Variants in DNAJC7 observed in about 807,000 individuals in gnomAD.
DNAJC7 encodes the protein dnaJ homolog subfamily C member 7.
In DNAJC7, 18 loss-of-function variants were observed where a neutral mutation model predicts 67.4. The observed-to-expected ratio is 0.27, with a 90% CI of 0.18 to 0.40. The LOEUF is 0.40. DNAJC7 is among the 10% of genes least tolerant of loss of function. The probability of loss-of-function intolerance (pLI) is 1.00; values close to 1 mark genes in which losing one functional copy is unlikely to be tolerated. For missense variants in DNAJC7, 419 were observed against 613.8 expected (o/e 0.68, Z 3.35); for synonymous variants, 220 against 207.8 (o/e 1.06, Z -0.50).
At chr17:42,010,126 C>T (rs2052077354) in intron 1 of DNAJC7, among the ~76,000 whole-genome samples, 1 of 149,860 alleles carries the variant, frequency 6.7e-6, no homozygotes, top group African/African-American at 2.5e-5. Context: ...CCTGGAGACA[C>T]AGCAAGACTC....
At chr17:42,002,665 T>C (rs1421592648) in intron 1 of DNAJC7, among the ~76,000 whole-genome samples, 2 of 152,200 alleles carry the variant, frequency 1.3e-5, no homozygotes, top group African/African-American at 4.8e-5. Flanking sequence ...ATGTTACCCA[T>C]GTTTGTCAGA....
Position 41,988,456 on chromosome 17 carries a change from T to C in DNAJC7, c.918+276A>G, listed in dbSNP as rs896748150. ...AAAACAACAAAAAAGCAACAGTAGG[T>C]GCTTAAGATTATCCCACAGACCCTA... On this transcript the variant is annotated intron_variant, in intron 8 of 13. Transcript: ENST00000457167. 2.0e-5 allele frequency among the ~76,000 whole-genome samples: 3 copies of C among 152,298 alleles called. No homozygotes were observed. In the East Asian group the frequency reaches 5.8e-4, roughly 29 times the overall value.
chr17:41,976,806 G>C lies in DNAJC7; in HGVS notation c.1448-36C>G, dbSNP rs567890037. Reference sequence around the variant, plus strand: ...AAAGAGGGGTTGGTAGTTGGCTATGGATTTTCTAAGGAAGATCACTTTGCT... The same window carrying C: ...AAAGAGGGGTTGGTAGTTGGCTATGCATTTTCTAAGGAAGATCACTTTGCT... On this transcript the variant is annotated intron_variant, in intron 13 of 13. Coordinates refer to ENST00000457167, the MANE Select transcript of DNAJC7 (RefSeq NM_003315.4). 7.5e-6 allele frequency: 12 copies of C among 1,600,426 alleles called. No individual in the cohort carries two copies. In the African/African-American group the frequency reaches 9.5e-5, roughly 13 times the overall value.
rs553700775 is a variant in DNAJC7 at position 42,001,944 on chromosome 17, A to C, written c.78-1374T>G. Among the ~76,000 whole-genome samples, 13 of 152,310 alleles carry C rather than the reference A, an allele frequency of 8.5e-5. No homozygotes were observed. The South Asian group carries it at 2.1e-3, about 24-fold the overall frequency. Reference sequence around the variant, plus strand: ...TGCTGACAGCTGTGAAATGTGATGGATATAAATCTGCTTGAGTAACTGTCT... The same window carrying C: ...TGCTGACAGCTGTGAAATGTGATGGCTATAAATCTGCTTGAGTAACTGTCT... On this transcript the variant is annotated intron_variant, in intron 1 of 13. Coordinates refer to ENST00000457167, the MANE Select transcript of DNAJC7 (RefSeq NM_003315.4).
intron 12 of DNAJC7, among the ~76,000 whole-genome samples, chr17:41,980,864 A>G (rs2051230837): frequency 6.6e-6 from 1 of 152,248 alleles, no homozygotes; most frequent in Non-Finnish European, 1.5e-5. Flanking sequence ...TGGGTAAAAA[A>G]GAACTTCCAG....
intron 10 of DNAJC7, among the ~76,000 whole-genome samples, chr17:41,983,335 T>G (rs1282488983): frequency 3.3e-5 from 5 of 152,066 alleles, no homozygotes; most frequent in Non-Finnish European, 7.4e-5. Context: ...TGTTGGCCAG[T>G]CTGGTCTCCA....
chr17:41,989,699 C>T, intron 6 of DNAJC7, 142 bp from the exon 7 acceptor site: 1 of 1,044,540 alleles, frequency 9.6e-7, no homozygotes, highest in African/African-American at 1.6e-5. Context: ...AGAACTGTTC[C>T]CAAACTTTCC....
intron 5 of DNAJC7, among the ~76,000 whole-genome samples, chr17:41,991,754 ACTGCAGCCT>A (rs2051514914): frequency 6.6e-6 from 1 of 152,118 alleles, no homozygotes; most frequent in South Asian, 2.1e-4. Context: ...ATCATGGCTC[ACTGCAGCCT>A]CGACTTCCCA....
chr17:42,002,029 T>C (rs1204070203), intron 1 of DNAJC7, among the ~76,000 whole-genome samples: 1 of 152,116 alleles, frequency 6.6e-6, no homozygotes, highest in Non-Finnish European at 1.5e-5. Context: ...TCAAGAAAGA[T>C]CCCCCAATTG....
At chr17:42,006,567 G>A (rs1358052270) in intron 1 of DNAJC7, among the ~76,000 whole-genome samples, 1 of 151,134 alleles carries the variant, frequency 6.6e-6, no homozygotes, top group Non-Finnish European at 1.5e-5. Flanking sequence ...GGGAGGCCAA[G>A]GCAGGCAGAT....
chr17:41,981,229 C>A (rs1221363576), intron 12 of DNAJC7, among the ~76,000 whole-genome samples: 2 of 151,942 alleles, frequency 1.3e-5, no homozygotes, highest in Non-Finnish European at 2.9e-5. Flanking sequence ...CAAAGTCTTG[C>A]TCTGTCGCCC....
chr17:41,997,004 A>G, intron 3 of DNAJC7, 111 bp downstream of exon 3: 1 of 1,532,030 alleles, frequency 6.5e-7, no homozygotes, highest in Non-Finnish European at 8.9e-7. Context: ...CCCCACAACA[A>G]AGAATAATCT....
chr17:42,013,266 G>A (rs1555651323), intron 1 of DNAJC7: 1 of 152,218 alleles, frequency 6.6e-6, no homozygotes, highest in Non-Finnish European at 1.5e-5. Context: ...TGCTGTAAGG[G>A]AAACAGAACT....
At chr17:42,016,961 G>A (rs2052315158) in intron 1 of DNAJC7, 2 of 1,206,344 alleles carry the variant, frequency 1.7e-6, no homozygotes, top group Non-Finnish European at 2.1e-6. Flanking sequence ...AGGCAACAAT[G>A]CACAGAAGTT....
intron 7 of DNAJC7, 25 bp from the exon 8 acceptor site, chr17:41,988,921 T>C: frequency 1.2e-6 from 2 of 1,611,224 alleles, no homozygotes; most frequent in Non-Finnish European, 8.5e-7. Flanking sequence ...AAGGGGAGGA[T>C]CGGTTCATAT....
chr17:41,994,446 G>GT (rs1374689536), intron 5 of DNAJC7, among the ~76,000 whole-genome samples: 1 of 146,632 alleles, frequency 6.8e-6, no homozygotes, highest in African/African-American at 2.5e-5. Context: ...CAGGATAATC[G>GT]TTTGAACCCG....
chr17:41,986,398 A>T (rs559350033), intron 9 of DNAJC7, among the ~76,000 whole-genome samples: 1 of 152,198 alleles, frequency 6.6e-6, no homozygotes, highest in South Asian at 2.1e-4. Context: ...CCCAAAAAAT[A>T]AAACAAAGCG....
intron 1 of DNAJC7, chr17:42,001,034 T>G (rs1193891987): frequency 2.0e-5 from 3 of 152,380 alleles, no homozygotes; most frequent in Non-Finnish European, 2.9e-5. Context: ...TTTAATAATT[T>G]CACCTCCTGA....
chr17:41,989,580 C>T, intron 6 of DNAJC7, 23 bp from the exon 7 acceptor site: 1 of 1,612,032 alleles, frequency 6.2e-7, no homozygotes, highest in Middle Eastern at 1.6e-4. Flanking sequence ...GAAAAGGGCA[C>T]ATTGAGCTGT....
Sources: gnomAD v4.1 joint callset for allele counts (sites outside exome capture counted in the v4.1 genomes callset) on GRCh38, gnomAD v4.1.1 for gene constraint, MANE v1.5 for transcripts, NCBI Gene and HGNC (gene_info 2026-07-23, HGNC 2026-07-21) for gene names.